Variants in GRID2 observed in about 807,000 individuals in gnomAD.
The protein encoded by GRID2 is glutamate receptor ionotropic, delta-2.
A neutral mutation model predicts 114.8 loss-of-function variants in GRID2; 33 were observed. The observed-to-expected ratio is 0.29, with a 90% CI of 0.22 to 0.38. The LOEUF (loss-of-function observed/expected upper bound fraction) is 0.38. GRID2 is among the 10% of genes least tolerant of loss of function. The pLI is 1.00. For missense variants in GRID2, 1,184 were observed against 1,257.7 expected (o/e 0.94, Z 0.89); for synonymous variants, 505 against 449.9 (o/e 1.12, Z -1.55).
intron 2 of GRID2, among the ~76,000 whole-genome samples, chr4:93,007,638 C>A (rs1394163906): frequency 6.6e-6 from 1 of 152,070 alleles, no homozygotes; most frequent in East Asian, 1.9e-4. Flanking sequence ...ATAGTGAACA[C>A]TGAATATATT....
intron 2 of GRID2, among the ~76,000 whole-genome samples, chr4:92,801,215 AG>A (rs1244297750): frequency 6.6e-6 from 1 of 152,002 alleles, no homozygotes; most frequent in African/African-American, 2.4e-5. Flanking sequence ...AGCTGTTAGA[AG>A]TTCCTCCCAA....
At chr4:93,146,664 T>A (rs1026575351) in intron 4 of GRID2, among the ~76,000 whole-genome samples, 1 of 149,990 alleles carries the variant, frequency 6.7e-6, no homozygotes, top group African/African-American at 2.5e-5. Flanking sequence ...AGGGAGAGGT[T>A]GTTAAAGGAA....
intron 2 of GRID2, among the ~76,000 whole-genome samples, chr4:92,807,805 A>G (rs542866273): frequency 6.6e-6 from 1 of 151,900 alleles, no homozygotes; most frequent in African/African-American, 2.4e-5. Context: ...CCACATGTTT[A>G]TGTGTGTGTG....
intron 4 of GRID2, among the ~76,000 whole-genome samples, chr4:93,150,696 C>T (rs1182512804): frequency 6.6e-6 from 1 of 151,870 alleles, no homozygotes; most frequent in Non-Finnish European, 1.5e-5. Flanking sequence ...AATTTGTGCT[C>T]CCTTGTCCCT....
At chr4:92,387,055 A>G (rs1384877831) in intron 1 of GRID2, among the ~76,000 whole-genome samples, 1 of 151,958 alleles carries the variant, frequency 6.6e-6, no homozygotes, top group Non-Finnish European at 1.5e-5. Flanking sequence ...ATATCAAATT[A>G]AAAGCACACT....
At chr4:93,155,925 T>C (rs994316552) in intron 4 of GRID2, among the ~76,000 whole-genome samples, 4 of 151,674 alleles carry the variant, frequency 2.6e-5, no homozygotes, top group African/African-American at 9.7e-5. Flanking sequence ...AGGGTGAATA[T>C]GGCCAGCAAT....
intron 3 of GRID2, among the ~76,000 whole-genome samples, chr4:93,110,427 G>C (rs1289653614): frequency 3.9e-5 from 6 of 152,032 alleles, no homozygotes; most frequent in Non-Finnish European, 7.4e-5. Flanking sequence ...CCTTCTTCTT[G>C]TTTTGCTCTA....
At position 92,815,348 on chromosome 4, in the gene GRID2, T is replaced by G. The variant is rs113196870; in HGVS notation, c.244+225062T>G. On this transcript the variant is annotated intron_variant, in intron 2 of 15. Transcript: ENST00000282020. ...TATAAAGTCAATATTTGATTTATGA[T>G]TGACCAATTTGAAAATTAATAAAAT... 6.7e-3 allele frequency among the ~76,000 whole-genome samples: 1,018 copies of G among 152,260 alleles called. 17 individuals carry two copies. The highest frequency in any genetic ancestry group is 0.023 in the African/African-American group (954 of 41,560).
At chr4:92,755,767 AT>A (rs1400573868) in intron 2 of GRID2, among the ~76,000 whole-genome samples, 1 of 152,170 alleles carries the variant, frequency 6.6e-6, no homozygotes, top group East Asian at 1.9e-4. Flanking sequence ...CTTGCATTTA[AT>A]TTTATTCTGA....
chr4:93,667,951 T>A (rs78160260), intron 14 of GRID2, among the ~76,000 whole-genome samples: 1,542 of 152,138 alleles, frequency 0.01, 11 homozygotes, highest in Non-Finnish European at 0.011. Flanking sequence ...GGAACTAGTA[T>A]TTCTTTTCAA....
At chr4:92,525,023 A>G (rs1159234906) in intron 1 of GRID2, among the ~76,000 whole-genome samples, 1 of 152,016 alleles carries the variant, frequency 6.6e-6, no homozygotes, top group Non-Finnish European at 1.5e-5. Flanking sequence ...TGTGATAATG[A>G]GAGAGTATTT....
At chr4:93,351,789 G>A (rs1159140027) in intron 8 of GRID2, among the ~76,000 whole-genome samples, 1 of 152,030 alleles carries the variant, frequency 6.6e-6, no homozygotes, top group Non-Finnish European at 1.5e-5. Flanking sequence ...CATTTACATA[G>A]CCAATAAGGA....
At chr4:93,332,965 T>C (rs1212010320) in intron 8 of GRID2, among the ~76,000 whole-genome samples, 3 of 152,148 alleles carry the variant, frequency 2.0e-5, no homozygotes, top group Non-Finnish European at 4.4e-5. Context: ...TCTCCAACCA[T>C]ACTGGCTTTG....
intron 4 of GRID2, among the ~76,000 whole-genome samples, chr4:93,159,584 A>G (rs1737491438): frequency 6.6e-6 from 1 of 151,748 alleles, no homozygotes; most frequent in Non-Finnish European, 1.5e-5. Flanking sequence ...TTACTAATAC[A>G]GAAGAGTCTT....
intron 2 of GRID2, among the ~76,000 whole-genome samples, chr4:92,727,395 T>C (rs569282185): frequency 1.3e-5 from 2 of 152,168 alleles, no homozygotes; most frequent in South Asian, 4.1e-4. Flanking sequence ...GCTACTACTT[T>C]ATGCAAGTTG....
chr4:93,027,259 C>A (rs1723964751), intron 2 of GRID2, among the ~76,000 whole-genome samples: 1 of 151,902 alleles, frequency 6.6e-6, no homozygotes, highest in Non-Finnish European at 1.5e-5. Flanking sequence ...GGTCAATATG[C>A]CTGGTGTGAT....
intron 14 of GRID2, among the ~76,000 whole-genome samples, chr4:93,735,031 C>A (rs1730803707): frequency 6.6e-6 from 1 of 152,024 alleles, no homozygotes; most frequent in South Asian, 2.1e-4. Context: ...CTAATAAAGT[C>A]TGAGTTCATG....
chr4:93,560,424 G>A (rs1432746709), intron 13 of GRID2, among the ~76,000 whole-genome samples: 2 of 151,810 alleles, frequency 1.3e-5, no homozygotes, highest in Admixed American at 1.3e-4. Flanking sequence ...TCACATGGTG[G>A]AAGCTGGAGC....
intron 1 of GRID2, among the ~76,000 whole-genome samples, chr4:92,522,728 G>T (rs1016278996): frequency 1.3e-4 from 20 of 152,040 alleles, no homozygotes; most frequent in East Asian, 3.9e-4. Context: ...TTCAAGTTTT[G>T]GGGTTGGGAA....
Sources: allele counts gnomAD v4.1 joint callset (sites outside exome capture counted in the v4.1 genomes callset), GRCh38; gene constraint gnomAD v4.1.1; transcripts MANE v1.5; gene names NCBI Gene and HGNC (gene_info 2026-07-23, HGNC 2026-07-21).